Variants in KANK1 observed in about 807,000 individuals in gnomAD.
KANK1 encodes KN motif and ankyrin repeat domain-containing protein 1.
KANK1 carries 109 observed loss-of-function variants against 106.2 expected under a neutral mutation model. The observed-to-expected ratio is 1.03, with a 90% confidence interval of 0.88 to 1.20. The LOEUF (loss-of-function observed/expected upper bound fraction) is 1.20. Among genes scored for constraint, KANK1 ranks in the 50% most tolerant of loss-of-function variants. KANK1 has a pLI of 0.00. For missense variants in KANK1, 2,399 were observed against 1,710.7 expected, an observed-to-expected ratio of 1.40 and a Z score of -7.10; for synonymous variants, 873 against 652.2, an observed-to-expected ratio of 1.34 and a Z score of -5.16.
At chr9:549,226 C>G (rs561513286) in intron 1 of KANK1, 1 of 152,346 alleles carries the variant, frequency 6.6e-6, no homozygotes, top group African/African-American at 2.4e-5. Context: ...AGAAGACCCC[C>G]TCCCAGAACC....
chr9:574,899 TG>T (rs1351706337), intron 1 of KANK1, among the ~76,000 whole-genome samples: 4 of 151,238 alleles, frequency 2.6e-5, no homozygotes, highest in African/African-American at 9.7e-5. Flanking sequence ...TTTTTTTAAG[TG>T]TATATATTTT....
intron 1 of KANK1, among the ~76,000 whole-genome samples, chr9:619,766 G>T (rs1160882528): frequency 1.3e-5 from 2 of 152,092 alleles, no homozygotes; most frequent in Admixed American, 6.5e-5. Context: ...TTAATAATTT[G>T]CAATGATTTT....
At chr9:656,303 G>A (rs536945146) in intron 1 of KANK1, among the ~76,000 whole-genome samples, 25 of 152,334 alleles carry the variant, frequency 1.6e-4, no homozygotes, top group East Asian at 1.9e-4. Flanking sequence ...GAGGAGGAAA[G>A]AGTTTAAGTC....
At chr9:561,033 C>T (rs1331251358) in intron 1 of KANK1, among the ~76,000 whole-genome samples, 2 of 152,038 alleles carry the variant, frequency 1.3e-5, no homozygotes, top group African/African-American at 2.4e-5. Context: ...TTTCTGACTT[C>T]GTTAGGCTAC....
chr9:647,051 T>C (rs1396126422), intron 1 of KANK1, among the ~76,000 whole-genome samples: 1 of 151,004 alleles, frequency 6.6e-6, no homozygotes, highest in East Asian at 1.9e-4. Flanking sequence ...TGGCTTTGAG[T>C]TACTAGGCCT....
intron 1 of KANK1, among the ~76,000 whole-genome samples, chr9:644,088 G>A (rs984466652): frequency 1.3e-5 from 2 of 151,028 alleles, no homozygotes; most frequent in Admixed American, 6.6e-5. Flanking sequence ...TACCAATGCA[G>A]TGATTACATT....
intron 1 of KANK1, among the ~76,000 whole-genome samples, chr9:569,989 T>TACTTTC (rs1563786047): frequency 6.6e-6 from 1 of 152,228 alleles, no homozygotes. Flanking sequence ...GCCTTTTCAT[T>TACTTTC]ACTTTCAACA....
intron 3 of KANK1, among the ~76,000 whole-genome samples, chr9:477,030 G>A (rs1768656187): frequency 6.6e-6 from 1 of 152,144 alleles, no homozygotes; most frequent in Non-Finnish European, 1.5e-5. Context: ...TTATGGTAAA[G>A]TTTAAAAGCA....
chr9:533,401 C>T (rs1011988570), intron 1 of KANK1, among the ~76,000 whole-genome samples: 1 of 152,172 alleles, frequency 6.6e-6, no homozygotes, highest in African/African-American at 2.4e-5. Flanking sequence ...GAAAATTTAT[C>T]ACTGGGCTTT....
chr9:582,240 G>T (rs1384675827), intron 1 of KANK1, among the ~76,000 whole-genome samples: 1 of 152,076 alleles, frequency 6.6e-6, no homozygotes, highest in Non-Finnish European at 1.5e-5. Context: ...AGTATGGGGG[G>T]TGTGTGTGGC....
At chr9:673,755 C>T (rs180994514) in intron 1 of KANK1, 1 of 152,156 alleles carries the variant, frequency 6.6e-6, no homozygotes, top group Admixed American at 6.5e-5. Flanking sequence ...ATACTTCATT[C>T]ACCCCTAGCA....
chr9:564,360 C>T (rs1817290040), intron 1 of KANK1, among the ~76,000 whole-genome samples: 1 of 152,108 alleles, frequency 6.6e-6, no homozygotes, highest in African/African-American at 2.4e-5. Flanking sequence ...CCGTGCCCGG[C>T]CAGAATGCAC....
intron 1 of KANK1, among the ~76,000 whole-genome samples, chr9:578,347 G>A (rs1821148293): frequency 6.6e-6 from 1 of 151,988 alleles, no homozygotes. Context: ...GTGTGTGTGT[G>A]TGTGTTTGCC....
At chr9:639,407 C>T (rs773297836) in intron 1 of KANK1, among the ~76,000 whole-genome samples, 2 of 152,140 alleles carry the variant, frequency 1.3e-5, no homozygotes, top group Non-Finnish European at 1.5e-5. Context: ...ACCTCCTCCT[C>T]CCTGGCTCAA....
At chr9:523,234 A>G (rs2059629776) in intron 1 of KANK1, among the ~76,000 whole-genome samples, 1 of 151,542 alleles carries the variant, frequency 6.6e-6, no homozygotes, top group Non-Finnish European at 1.5e-5. Flanking sequence ...TATTTCCCCC[A>G]AACTCCTTCT....
At chr9:516,842 G>A (rs1055531300) in intron 1 of KANK1, among the ~76,000 whole-genome samples, 1 of 151,606 alleles carries the variant, frequency 6.6e-6, no homozygotes, top group African/African-American at 2.4e-5. Context: ...GCAGCCCGCT[G>A]GGGGGTACCT....
At chr9:499,793 G>A (rs2058519382), upstream of KANK1, among the ~76,000 whole-genome samples, 1 of 152,172 alleles carries the variant, frequency 6.6e-6, no homozygotes, top group Admixed American at 6.5e-5. Flanking sequence ...TATAAGTTTT[G>A]TGTGGCATAG....
chr9:598,654 A>T, intron 1 of KANK1, among the ~76,000 whole-genome samples: 1 of 54,044 alleles, frequency 1.9e-5, no homozygotes, highest in Non-Finnish European at 3.5e-5. Flanking sequence ...TTTTTTTGAG[A>T]CAGTCTCATT....
At position 744,600 on chromosome 9, in the gene KANK1, T is replaced by C. The variant is rs1283839873; in HGVS notation, c.3996+11T>C. On this transcript the variant is annotated intron_variant, in intron 11 of 11. Coordinates refer to ENST00000382297, the MANE Select transcript of KANK1 (RefSeq NM_015158.5). The stretch of plus-strand genomic sequence containing the variant: ...AAAGCCCAGTCTCCGGTCAGTGTTG[T>C]GCATTTGGCATTTGTAAATAGGCTG... 28 of 1,614,060 alleles carry C rather than the reference T, an allele frequency of 1.7e-5. No homozygotes were observed. Among genetic ancestry groups the C allele is most frequent in the Middle Eastern group, 1.6e-4 (1 of 6,084 alleles).
Sources: allele counts gnomAD v4.1 joint callset (sites outside exome capture counted in the v4.1 genomes callset), GRCh38; gene constraint gnomAD v4.1.1; transcripts MANE v1.5; gene names NCBI Gene and HGNC (gene_info 2026-07-23, HGNC 2026-07-21).